Variants in FBP2 observed in about 807,000 individuals in gnomAD.
FBP2 encodes fructose-bisphosphatase 2, also known as fructose-1,6-bisphosphatase isozyme 2.
A neutral mutation model predicts 31.6 loss-of-function variants in FBP2; 27 were observed. The observed-to-expected ratio is 0.85, with a 90% CI of 0.63 to 1.18. FBP2 has a LOEUF of 1.18. FBP2 is among the 50% of genes most tolerant of loss of function. The pLI, the probability that FBP2 is intolerant of heterozygous loss-of-function variation, is 0.00. For synonymous variants in FBP2, 168 were observed against 179.8 expected (o/e 0.93, Z 0.53); for missense variants, 421 against 436.1 (o/e 0.97, Z 0.31).
chr9:94,584,772 G>T (rs1197433506), intron 2 of FBP2, 103 bp from the exon 3 acceptor site: 2 of 717,808 alleles, frequency 2.8e-6, no homozygotes, highest in African/African-American at 1.8e-5. Flanking sequence ...ATCAAAAAGA[G>T]ATTGAGAACC....
At chr9:94,564,467 T>C (rs1827156861) in intron 5 of FBP2, among the ~76,000 whole-genome samples, 2 of 152,220 alleles carry the variant, frequency 1.3e-5, no homozygotes, top group African/African-American at 4.8e-5. Flanking sequence ...CACAATGGAA[T>C]ACTATGCAGC....
intron 6 of FBP2, among the ~76,000 whole-genome samples, chr9:94,561,017 C>T (rs565311927): frequency 1.3e-5 from 2 of 152,148 alleles, no homozygotes; most frequent in South Asian, 4.1e-4. Context: ...TTCTGTCCCT[C>T]ATTACCCACA....
chr9:94,580,757 T>G (rs979670352), intron 3 of FBP2, among the ~76,000 whole-genome samples: 2 of 152,232 alleles, frequency 1.3e-5, no homozygotes, highest in African/African-American at 4.8e-5. Context: ...AAGTCTCTAG[T>G]ATCACTACCT....
At chr9:94,585,708 G>A (rs539062038) in intron 2 of FBP2, among the ~76,000 whole-genome samples, 1 of 152,278 alleles carries the variant, frequency 6.6e-6, no homozygotes, top group African/African-American at 2.4e-5. Context: ...CTGCAGCCTA[G>A]AGATCCTGGG....
In FBP2 at chr9:94,571,574, T is replaced by A; in HGVS notation, c.455A>T (p.Asp152Val). ...AATATTGCGGCCACACTGCAGGGCA[T>A]CCTTTTCAGAAGGCTCATCCTCTGA... is the stretch of plus-strand genomic sequence containing the variant. ...KTSEDEPSEK[D>V]ALQCGRNIVA... is the part of the protein sequence containing the mutation. Residue 152 changes from aspartate (D) to valine (V), a missense_variant, in exon 4 of 7, where the codon GAT becomes GTT. Physicochemically the swap from Asp to Val is radical, Grantham distance 152. Transcript: ENST00000375337. The A allele has an allele frequency of 1.2e-6, 2 of 1,613,734 alleles. No homozygotes were observed. The highest frequency in any genetic ancestry group is 1.7e-6 in the Non-Finnish European group (2 of 1,179,774).
chr9:94,587,677 T>C (rs951914326), intron 1 of FBP2, among the ~76,000 whole-genome samples: 10 of 152,090 alleles, frequency 6.6e-5, no homozygotes, highest in Non-Finnish European at 1.5e-4. Flanking sequence ...TGTCATATTT[T>C]CTTAGCCTTC....
At chr9:94,561,168 C>A (rs1224987185) in intron 6 of FBP2, among the ~76,000 whole-genome samples, 4 of 152,020 alleles carry the variant, frequency 2.6e-5, no homozygotes, top group African/African-American at 7.3e-5. Context: ...AGATTGTAAT[C>A]AATTATCCTG....
intron 6 of FBP2, 154 bp from the exon 7 acceptor site, chr9:94,559,286 GAGCCTACAGCA>G: frequency 4.5e-6 from 3 of 659,514 alleles, no homozygotes; most frequent in Non-Finnish European, 7.6e-6. Context: ...CCGAGCTTTA[GAGCCTACAGCA>G]GGCCAGATGC....
At chr9:94,588,447 C>A (rs937113291) in intron 1 of FBP2, among the ~76,000 whole-genome samples, 1 of 151,950 alleles carries the variant, frequency 6.6e-6, no homozygotes, top group Non-Finnish European at 1.5e-5. Context: ...CACAGTGAGA[C>A]CCTGTCTTTA....
intron 5 of FBP2, among the ~76,000 whole-genome samples, chr9:94,565,770 T>C (rs200345521): frequency 6.8e-6 from 1 of 148,044 alleles, no homozygotes; most frequent in East Asian, 2.3e-4. Flanking sequence ...GATACATAGA[T>C]GATAGATAGA....
chr9:94,568,671 G>A (rs598386), intron 4 of FBP2: 73,916 of 151,978 alleles, frequency 0.49, 18,590 homozygotes, highest in East Asian at 0.61. Context: ...GTGTTGCTAC[G>A]AGAGGTGACA....
intron 5 of FBP2, among the ~76,000 whole-genome samples, chr9:94,566,344 C>T (rs559715404): frequency 1.3e-5 from 2 of 152,366 alleles, no homozygotes; most frequent in South Asian, 2.1e-4. Context: ...ACCTGGCCCG[C>T]CCAGGGTGGA....
intron 6 of FBP2, 39 bp from the exon 7 acceptor site, chr9:94,559,171 T>A (rs770942662): frequency 6.4e-7 from 1 of 1,574,662 alleles, no homozygotes; most frequent in Admixed American, 1.7e-5. Context: ...ACTCTGCAAG[T>A]GGCCAAATGT....
chr9:94,583,751 C>T (rs1827395580), intron 3 of FBP2, among the ~76,000 whole-genome samples: 1 of 152,134 alleles, frequency 6.6e-6, no homozygotes, highest in African/African-American at 2.4e-5. Flanking sequence ...AGGCGTGCAC[C>T]ATCACCCTGG....
intron 1 of FBP2, among the ~76,000 whole-genome samples, chr9:94,592,975 C>G (rs1036358608): frequency 1.3e-5 from 2 of 152,144 alleles, no homozygotes; most frequent in African/African-American, 4.8e-5. Context: ...CCTCCCAGGA[C>G]TAGCACCTCC....
chr9:94,587,605 A>G (rs2131460131), intron 1 of FBP2, 136 bp from the exon 2 acceptor site: 2 of 763,174 alleles, frequency 2.6e-6, no homozygotes, highest in Admixed American at 2.4e-5. Context: ...CACGTGCAGA[A>G]GAAGGCGATT....
At chr9:94,562,232 C>A (rs1241689239) in intron 6 of FBP2, among the ~76,000 whole-genome samples, 1 of 149,014 alleles carries the variant, frequency 6.7e-6, no homozygotes, top group Non-Finnish European at 1.5e-5. Flanking sequence ...ATGGTGTGAA[C>A]CTGGGAGGCG....
At chr9:94,592,055 AC>A (rs1827509601) in intron 1 of FBP2, among the ~76,000 whole-genome samples, 1 of 152,158 alleles carries the variant, frequency 6.6e-6, no homozygotes, top group South Asian at 2.1e-4. Context: ...GACTCAGGCA[AC>A]CGCATTGAGG....
At chr9:94,579,071 G>GAAAAAAAA (rs1564185245) in intron 3 of FBP2, among the ~76,000 whole-genome samples, 1 of 87,190 alleles carries the variant, frequency 1.1e-5, no homozygotes, top group Non-Finnish European at 2.1e-5. Flanking sequence ...AAAAAAAAAG[G>GAAAAAAAA]TTATTTTAAA....
Sources: allele counts gnomAD v4.1 joint callset (sites outside exome capture counted in the v4.1 genomes callset), GRCh38; gene constraint gnomAD v4.1.1; transcripts MANE v1.5; gene names NCBI Gene and HGNC (gene_info 2026-07-23, HGNC 2026-07-21).